PPP2R3A: variants seen among roughly 807,000 people sequenced by gnomAD.
PPP2R3A encodes protein phosphatase 2 regulatory subunit B''alpha, also known as serine/threonine-protein phosphatase 2A regulatory subunit B'' subunit alpha.
In PPP2R3A, 80 loss-of-function variants were observed where a neutral mutation model predicts 106.9. That is an observed-to-expected ratio of 0.75 (90% confidence interval 0.62 to 0.90). PPP2R3A has a LOEUF of 0.90. Among genes scored for constraint, PPP2R3A ranks in the 40% least tolerant of loss-of-function variants. PPP2R3A has a pLI of 0.00. For synonymous variants in PPP2R3A, 483 were observed against 468.3 expected, an observed-to-expected ratio of 1.03 and a Z score of -0.41; for missense variants, 1,386 against 1,350.4, an observed-to-expected ratio of 1.03 and a Z score of -0.41.
chr3:136,135,355 G>A (rs1938569747), intron 13 of PPP2R3A, among the ~76,000 whole-genome samples: 2 of 152,136 alleles, frequency 1.3e-5, no homozygotes, highest in African/African-American at 4.8e-5. Flanking sequence ...GTGAACAAAG[G>A]AAAGGAAAGG....
intron 6 of PPP2R3A, among the ~76,000 whole-genome samples, chr3:136,076,924 G>A (rs567382799): frequency 1.7e-4 from 26 of 151,642 alleles, no homozygotes; most frequent in African/African-American, 6.3e-4. Context: ...TCCAGCCTGG[G>A]CGACAGGGTG....
intron 4 of PPP2R3A, among the ~76,000 whole-genome samples, chr3:136,044,139 A>T (rs1935391303): frequency 6.6e-6 from 1 of 152,176 alleles, no homozygotes. Flanking sequence ...TCCTATTAGC[A>T]TCTATTGCGT....
At chr3:136,071,050 C>T (rs1255930961) in intron 6 of PPP2R3A, among the ~76,000 whole-genome samples, 1 of 152,234 alleles carries the variant, frequency 6.6e-6, no homozygotes, top group East Asian at 1.9e-4. Flanking sequence ...CAGGCACAGC[C>T]TCATTTGGTC....
At chr3:136,008,917 C>T (rs1222013558) in intron 2 of PPP2R3A, among the ~76,000 whole-genome samples, 1 of 152,084 alleles carries the variant, frequency 6.6e-6, no homozygotes, top group Non-Finnish European at 1.5e-5. Flanking sequence ...ATATGCCCTT[C>T]ATCCTTGTTT....
rs1938615057 is a variant in PPP2R3A, at chr3:136,136,093, TAA to T, written c.3330-8945_3330-8944del. On this transcript the variant is annotated intron_variant, in intron 13 of 13. Transcript: ENST00000264977. The stretch of plus-strand genomic sequence containing the variant: ...AAAAAATTATATATATATATATATA[TAA>T]AAAACATCATGGTTAAGAGCATGAA... Among the ~76,000 whole-genome samples the T allele has an allele frequency of 2.3e-4, 27 of 118,632 alleles. 1 individual carries two copies. The highest frequency in any genetic ancestry group is 1.9e-4 in the Non-Finnish European group (11 of 57,284). The allele number at this position is 118,632 out of a possible 152,430, so 77.8% of individuals were successfully genotyped here. A position where few individuals can be genotyped will look rare whatever the true frequency, so the allele number is the denominator to read the frequency against.
chr3:136,078,748 C>T (rs1190017330), intron 7 of PPP2R3A, among the ~76,000 whole-genome samples: 1 of 152,002 alleles, frequency 6.6e-6, no homozygotes, highest in African/African-American at 2.4e-5. Flanking sequence ...CGTACAGAGG[C>T]GGCTTCACAA....
intron 5 of PPP2R3A, among the ~76,000 whole-genome samples, chr3:136,063,094 C>G (rs1936136588): frequency 6.6e-6 from 1 of 152,256 alleles, no homozygotes; most frequent in East Asian, 1.9e-4. Flanking sequence ...TGGAATAGAA[C>G]AGAGCCCTCA....
Position 136,147,060 on chromosome 3 carries a change from T to C in PPP2R3A, c.*1894T>C, listed in dbSNP as rs893626347. 1 of 152,160 alleles carries C rather than the reference T, an allele frequency of 6.6e-6. No individual in the cohort carries two copies. The highest frequency in any genetic ancestry group is 2.4e-5 in the African/African-American group (1 of 41,436). The allele number at this position is 152,160 out of a possible 1,614,324, so 9.4% of individuals were successfully genotyped here. A position where few individuals can be genotyped will look rare whatever the true frequency, so the allele number is the denominator to read the frequency against. ...TGAAGTCCTCTTGCTTTCACTTTGA[T>C]CTGGTTTTTGAAGTCTCTTAATTAT... is the stretch of plus-strand genomic sequence containing the variant. On this transcript the variant is annotated 3_prime_UTR_variant, in exon 14 of 14. Coordinates refer to ENST00000264977, the MANE Select transcript of PPP2R3A (RefSeq NM_002718.5).
Position 136,145,043 on chromosome 3 carries a change from C to T in PPP2R3A, c.3330C>T (p.Gly1110=). The T allele has an allele frequency of 6.2e-7, 1 of 1,607,752 alleles. No homozygotes were observed. Among genetic ancestry groups the T allele is most frequent in the Non-Finnish European group, 8.5e-7 (1 of 1,177,938 alleles). The change falls in exon 14 of 14, where the codon GGC becomes GGT. Residue 1110 remains glycine, a splice_region_variant and synonymous_variant. Transcript: ENST00000264977. ...EESAQAQFQE[G]FEDYETDEPA... ...ATTCACTTTTGCTTTGTTATTTCAG[C>T]TTTGAAGATTATGAAACAGATGAAC... is the stretch of plus-strand genomic sequence containing the variant.
intron 10 of PPP2R3A, among the ~76,000 whole-genome samples, chr3:136,093,377 CCAACCTGGGTGA>C (rs1398351980): frequency 1.3e-5 from 2 of 152,040 alleles, no homozygotes; most frequent in Admixed American, 1.3e-4. Context: ...TCACTGTACT[CCAACCTGGGTGA>C]CAGAGTAAGA....
chr3:136,126,643 C>T (rs1938192793), intron 13 of PPP2R3A, among the ~76,000 whole-genome samples: 2 of 152,226 alleles, frequency 1.3e-5, no homozygotes, highest in Non-Finnish European at 2.9e-5. Context: ...CAGTAGTTCT[C>T]CCAGCACAGC....
At chr3:136,008,655 A>T (rs1027525830) in intron 2 of PPP2R3A, among the ~76,000 whole-genome samples, 1 of 152,104 alleles carries the variant, frequency 6.6e-6, no homozygotes, top group Non-Finnish European at 1.5e-5. Context: ...TTTGTTATTA[A>T]TATATTTTTA....
chr3:136,079,396 A>G (rs571124567), intron 7 of PPP2R3A: 87 of 185,294 alleles, frequency 4.7e-4, no homozygotes, highest in Admixed American at 2.4e-3. Flanking sequence ...AATCATTTTT[A>G]TAATCCATAA....
chr3:136,048,486 C>T (rs1324540713), intron 4 of PPP2R3A, among the ~76,000 whole-genome samples: 1 of 152,114 alleles, frequency 6.6e-6, no homozygotes, highest in Non-Finnish European at 1.5e-5. Flanking sequence ...TCCTGGCCAA[C>T]ATGGTGAAAC....
intron 5 of PPP2R3A, among the ~76,000 whole-genome samples, chr3:136,061,926 C>CAAA (rs369373163): frequency 0.02 from 1,711 of 83,878 alleles, 82 homozygotes; most frequent in African/African-American, 0.057. Context: ...GACTCTATCT[C>CAAA]AAAAAAAAAA....
At chr3:135,968,544 A>G (rs942135239) in intron 1 of PPP2R3A, among the ~76,000 whole-genome samples, 6 of 152,204 alleles carry the variant, frequency 3.9e-5, no homozygotes, top group Non-Finnish European at 2.9e-5. Context: ...TGATGACACA[A>G]AATGAAGCTA....
chr3:136,007,497 C>A (rs992915787), intron 2 of PPP2R3A, among the ~76,000 whole-genome samples: 1 of 152,180 alleles, frequency 6.6e-6, no homozygotes, highest in African/African-American at 2.4e-5. Context: ...ATTCCTCTAG[C>A]CTTTAACACC....
chr3:136,132,243 A>G (rs572596727), intron 13 of PPP2R3A, among the ~76,000 whole-genome samples: 83 of 152,274 alleles, frequency 5.5e-4, no homozygotes, highest in African/African-American at 1.6e-3. Flanking sequence ...CTACTCAACA[A>G]TTGTAACTGG....
chr3:136,042,342 G>T (rs543271857), intron 4 of PPP2R3A, among the ~76,000 whole-genome samples: 2 of 152,264 alleles, frequency 1.3e-5, no homozygotes, highest in Admixed American at 6.5e-5. Flanking sequence ...GCCTGTTGGG[G>T]TGGGGTGAGG....
Sources: gnomAD v4.1 joint callset for allele counts (sites outside exome capture counted in the v4.1 genomes callset) on GRCh38, gnomAD v4.1.1 for gene constraint, MANE v1.5 for transcripts, NCBI Gene and HGNC (gene_info 2026-07-23, HGNC 2026-07-21) for gene names.